The following TEX2 variants were observed in gnomAD, a reference collection of about 807,000 sequenced individuals.
The protein encoded by TEX2 is testis-expressed protein 2.
Under a neutral mutation model 106.9 loss-of-function variants are expected in TEX2, and 53 were observed. That is an observed-to-expected ratio of 0.50 (90% CI 0.40 to 0.62). TEX2 has a LOEUF of 0.62. Ranked by LOEUF, TEX2 falls within the 20% of genes least tolerant of loss-of-function variation. TEX2 has a pLI of 0.00. For missense variants in TEX2, 1,207 were observed against 1,379.0 expected, an observed-to-expected ratio of 0.88 and a Z score of 1.98; for synonymous variants, 523 against 534.8, an observed-to-expected ratio of 0.98 and a Z score of 0.30.
intron 6 of TEX2, 63 bp downstream of exon 6, chr17:64,177,262 T>C: frequency 6.3e-7 from 1 of 1,595,300 alleles, no homozygotes; most frequent in Non-Finnish European, 8.5e-7. Flanking sequence ...GACATAAGGG[T>C]ACAAAATTTC....
intron 1 of TEX2, among the ~76,000 whole-genome samples, chr17:64,244,708 C>A (rs2143433521): frequency 6.6e-6 from 1 of 152,316 alleles, no homozygotes; most frequent in East Asian, 1.9e-4. Flanking sequence ...CATTTTTCAA[C>A]ATCCTGTAAG....
Position 64,147,971 on chromosome 17 carries a change from T to C in TEX2, c.*998A>G, listed in dbSNP as rs569118369. ...AATGCACAAAATTAAGTTGGCAACA[T>C]TAATTTTGAGATGTAGTGTGATGCT... On this transcript the variant is annotated 3_prime_UTR_variant, in exon 12 of 12. Transcript: ENST00000584379. 2 of 152,612 alleles carry C rather than the reference T, an allele frequency of 1.3e-5. No homozygotes were observed. Among genetic ancestry groups the C allele is most frequent in the African/African-American group, 2.4e-5 (1 of 41,440 alleles). 9.5% of individuals were successfully genotyped at this position (152,612 alleles called of 1,614,324 possible). A position where few individuals can be genotyped will look rare whatever the true frequency, so the allele number is the denominator to read the frequency against.
chr17:64,183,901 G>A (rs2031976643), intron 5 of TEX2, among the ~76,000 whole-genome samples: 1 of 152,072 alleles, frequency 6.6e-6, no homozygotes, highest in African/African-American at 2.4e-5. Context: ...AAAGTGTTGG[G>A]ATTACAAGTG....
At chr17:64,234,303 T>C (rs782120689) in intron 1 of TEX2, among the ~76,000 whole-genome samples, 2 of 152,192 alleles carry the variant, frequency 1.3e-5, no homozygotes, top group Non-Finnish European at 2.9e-5. Flanking sequence ...CGCTGTAAAA[T>C]TGTGATCTTG....
At position 64,212,881 on chromosome 17, in the gene TEX2, G is replaced by C; in HGVS notation, c.1337C>G (p.Pro446Arg). 1.2e-6 allele frequency: 2 copies of C among 1,614,170 alleles called. No individual in the cohort carries two copies. The highest frequency in any genetic ancestry group is 1.7e-6 in the Non-Finnish European group (2 of 1,180,044). The change falls in exon 2 of 12, where the codon CCA becomes CGA. Residue 446 changes from proline (P) to arginine (R), a missense_variant. Coordinates refer to ENST00000584379, the MANE Select transcript of TEX2 (RefSeq NM_001288732.2). ...VDKLSDIPLK[P>R]EVLAEDGVVL... The stretch of plus-strand genomic sequence containing the variant: ...CACACCATCTTCCGCGAGCACCTCT[G>C]GCTTGAGAGGAATATCTGAGAGCTT...
At chr17:64,173,886 C>T (rs2031514524) in intron 6 of TEX2, among the ~76,000 whole-genome samples, 1 of 152,036 alleles carries the variant, frequency 6.6e-6, no homozygotes, top group African/African-American at 2.4e-5. Flanking sequence ...CGCTCTGTCA[C>T]TCAGGCTGGA....
At position 64,152,945 on chromosome 17, in the gene TEX2, C is replaced by T; in HGVS notation, c.3140G>A (p.Trp1047Ter). 1 of 1,613,828 alleles carries T rather than the reference C, an allele frequency of 6.2e-7. No individual in the cohort carries two copies. The highest frequency in any genetic ancestry group is 8.5e-7 in the Non-Finnish European group (1 of 1,179,952). ...TTGTCCCTGAGGGCCCTCTACGCAC[C>T]ATACTCGGTCAGTCGGGGGTGGTGG... ...NIPPPPTDRV[W>*]YGFRKPPHVE... Residue 1047 changes from tryptophan to a stop codon, truncating the protein, a stop_gained and splice_region_variant, in exon 10 of 12, where the codon TGG becomes TAG. Coordinates refer to ENST00000584379, the MANE Select transcript of TEX2 (RefSeq NM_001288732.2). LOFTEE classifies it high-confidence loss of function.
At chr17:64,259,717 T>A (rs2143534544) in intron 1 of TEX2, among the ~76,000 whole-genome samples, 1 of 152,358 alleles carries the variant, frequency 6.6e-6, no homozygotes, top group African/African-American at 2.4e-5. Context: ...GTGGACAGCA[T>A]GACCTGTTAT....
intron 9 of TEX2, 105 bp downstream of exon 9, chr17:64,154,737 A>C: frequency 7.5e-7 from 1 of 1,330,686 alleles, no homozygotes; most frequent in African/African-American, 1.5e-5. Flanking sequence ...CTCAACATTA[A>C]AGAGGAAGGA....
chr17:64,188,079 G>A, intron 5 of TEX2, 89 bp downstream of exon 5: 1 of 1,459,634 alleles, frequency 6.9e-7, no homozygotes, highest in South Asian at 1.3e-5. Flanking sequence ...TTATCCCAGT[G>A]CCCACAACAG....
intron 2 of TEX2, among the ~76,000 whole-genome samples, chr17:64,203,866 G>C (rs1172356532): frequency 6.6e-6 from 1 of 152,194 alleles, no homozygotes; most frequent in East Asian, 1.9e-4. Context: ...ACTGGAGTCA[G>C]GGCTAAAGCC....
chr17:64,236,798 A>G (rs540816978), intron 1 of TEX2, among the ~76,000 whole-genome samples: 1 of 152,316 alleles, frequency 6.6e-6, no homozygotes, highest in East Asian at 1.9e-4. Context: ...TTAGCTATAG[A>G]TCTATGGCTC....
chr17:64,216,234 T>C (rs543689046), intron 1 of TEX2, among the ~76,000 whole-genome samples: 1 of 152,298 alleles, frequency 6.6e-6, no homozygotes, highest in Non-Finnish European at 1.5e-5. Context: ...GCTAAGGAAT[T>C]TGTAGGCTTA....
chr17:64,243,079 C>T (rs1244560740), intron 1 of TEX2, among the ~76,000 whole-genome samples: 1 of 152,108 alleles, frequency 6.6e-6, no homozygotes, highest in Non-Finnish European at 1.5e-5. Context: ...CAGGCGCACA[C>T]CACCACACCC....
At chr17:64,190,347 C>G (rs1165417713) in intron 4 of TEX2, among the ~76,000 whole-genome samples, 1 of 151,786 alleles carries the variant, frequency 6.6e-6, no homozygotes, top group Non-Finnish European at 1.5e-5. Context: ...AGTAGAAAAA[C>G]CAGTGAAATC....
intron 1 of TEX2, among the ~76,000 whole-genome samples, chr17:64,261,964 C>G (rs181079187): frequency 6.6e-6 from 1 of 152,232 alleles, no homozygotes; most frequent in Non-Finnish European, 1.5e-5. Flanking sequence ...TCCCCATACT[C>G]CAGAGTTCAA....
chr17:64,216,606 A>G (rs895611267), intron 1 of TEX2, among the ~76,000 whole-genome samples: 8 of 152,206 alleles, frequency 5.3e-5, no homozygotes, highest in Non-Finnish European at 1.0e-4. Flanking sequence ...AGGCCTGGGA[A>G]TCTAAGGGCA....
chr17:64,252,635 AG>A (rs1265193024), intron 1 of TEX2, among the ~76,000 whole-genome samples: 3 of 152,302 alleles, frequency 2.0e-5, no homozygotes, highest in Middle Eastern at 3.4e-3. Flanking sequence ...AGTTTTAAAG[AG>A]AAGTCCTCAA....
chr17:64,235,991 ACT>A (rs1458977811), intron 1 of TEX2, among the ~76,000 whole-genome samples: 1 of 151,748 alleles, frequency 6.6e-6, no homozygotes, highest in Non-Finnish European at 1.5e-5. Context: ...TTTGTTGATG[ACT>A]CTGTCTTCCC....
Sources: allele counts gnomAD v4.1 joint callset (sites outside exome capture counted in the v4.1 genomes callset), GRCh38; gene constraint gnomAD v4.1.1; transcripts MANE v1.5; gene names NCBI Gene and HGNC (gene_info 2026-07-23, HGNC 2026-07-21).